Variants in DLGAP2 observed in about 807,000 individuals in gnomAD.
DLGAP2 encodes the protein DLG associated protein 2, also known as disks large-associated protein 2.
DLGAP2 carries 26 observed loss-of-function variants against 100.3 expected under a neutral mutation model. The ratio of observed to expected loss-of-function variants is 0.26; its 90% CI spans 0.19 to 0.36. The LOEUF (loss-of-function observed/expected upper bound fraction) is 0.36, where lower values mean the gene tolerates loss of function less well. DLGAP2 is among the 10% of genes least tolerant of loss of function. The probability of loss-of-function intolerance (pLI) is 1.00; values close to 1 mark genes in which losing one functional copy is unlikely to be tolerated. For missense variants in DLGAP2, 1,858 were observed against 1,453.2 expected (o/e 1.28, Z -4.53); for synonymous variants, 886 against 630.1 (o/e 1.41, Z -6.08).
At chr8:1,371,662 G>A (rs1353111327) in intron 3 of DLGAP2, among the ~76,000 whole-genome samples, 1 of 152,212 alleles carries the variant, frequency 6.6e-6, no homozygotes, top group Non-Finnish European at 1.5e-5. Flanking sequence ...GAAATTTGAG[G>A]TGAATAAATC....
At chr8:1,298,035 CGTG>C (rs1800230790) in intron 3 of DLGAP2, among the ~76,000 whole-genome samples, 1 of 27,962 alleles carries the variant, frequency 3.6e-5, no homozygotes, top group Admixed American at 4.0e-4. Flanking sequence ...ACGTGGCAGG[CGTG>C]AACAGACACG....
At chr8:1,003,304 G>C (rs1041660905) in intron 2 of DLGAP2, 7 of 152,302 alleles carry the variant, frequency 4.6e-5, no homozygotes, top group African/African-American at 1.7e-4. Context: ...CTCACTATCA[G>C]GTGGGCATCT....
Position 1,127,887 on chromosome 8 carries a change from C to T in DLGAP2, c.74-130964C>T, listed in dbSNP as rs140710251. On this transcript the variant is annotated intron_variant, in intron 2 of 14. Transcript: ENST00000637795. ...GGTATAAAGAGTCTGAACTAAGAGT[C>T]TAAAGATGCACTTTCCTATTCCGGA... is the stretch of plus-strand genomic sequence containing the variant. Among the ~76,000 whole-genome samples, 150 of 152,298 alleles carry T rather than the reference C, an allele frequency of 9.8e-4. 2 individuals are homozygous for T. Among genetic ancestry groups the T allele is most frequent in the African/African-American group, 3.4e-3 (140 of 41,568 alleles).
chr8:906,507 C>A (rs1798383588), intron 1 of DLGAP2, among the ~76,000 whole-genome samples: 1 of 152,178 alleles, frequency 6.6e-6, no homozygotes, highest in South Asian at 2.1e-4. Context: ...GCGAGGAGCC[C>A]TCGAAGGCGT....
intron 2 of DLGAP2, among the ~76,000 whole-genome samples, chr8:1,119,081 A>C (rs2129047216): frequency 6.6e-6 from 1 of 152,344 alleles, no homozygotes; most frequent in Admixed American, 6.5e-5. Context: ...CTACTTTATA[A>C]CCGATTCTAT....
chr8:1,462,664 T>C (rs1245439798), intron 3 of DLGAP2, among the ~76,000 whole-genome samples: 2 of 152,144 alleles, frequency 1.3e-5, no homozygotes, highest in African/African-American at 2.4e-5. Context: ...TAGCTCAGCC[T>C]CCAGGACTCA....
chr8:1,261,513 T>C (rs1461544861), intron 3 of DLGAP2, among the ~76,000 whole-genome samples: 1 of 88,192 alleles, frequency 1.1e-5, no homozygotes, highest in Non-Finnish European at 2.1e-5. Flanking sequence ...CCCTGTCCGG[T>C]GGGGAGCCCC....
At chr8:1,141,632 GGTAA>G (rs1309612238) in intron 2 of DLGAP2, among the ~76,000 whole-genome samples, 66 of 152,172 alleles carry the variant, frequency 4.3e-4, no homozygotes, top group African/African-American at 1.5e-3. Context: ...CAAAGACATG[GGTAA>G]GTATTAGCAA....
chr8:1,504,128 C>G (rs1181145776), intron 4 of DLGAP2, among the ~76,000 whole-genome samples: 1 of 151,412 alleles, frequency 6.6e-6, no homozygotes, highest in South Asian at 2.1e-4. Context: ...AAAAACATAC[C>G]AGTGCCCAGG....
At chr8:1,038,749 T>C (rs768718129) in intron 2 of DLGAP2, among the ~76,000 whole-genome samples, 31 of 152,118 alleles carry the variant, frequency 2.0e-4, no homozygotes, top group Non-Finnish European at 4.0e-4. Context: ...TAGGTGAGGG[T>C]CAAAATTAAT....
At chr8:1,144,103 A>G (rs1329736287) in intron 2 of DLGAP2, among the ~76,000 whole-genome samples, 9 of 152,066 alleles carry the variant, frequency 5.9e-5, no homozygotes, top group African/African-American at 2.2e-4. Context: ...AATGTGAGGA[A>G]TGATATCGAG....
intron 3 of DLGAP2, among the ~76,000 whole-genome samples, chr8:1,287,609 T>G (rs1368271294): frequency 2.2e-5 from 1 of 45,326 alleles, no homozygotes; most frequent in Admixed American, 2.4e-4. Flanking sequence ...TATGTGGTTC[T>G]GTTAGGGGAA....
rs151232425 is a variant in DLGAP2, at chr8:1,464,299, T to A, written c.107-37067T>A. Among the ~76,000 whole-genome samples the A allele has an allele frequency of 1.2e-4, 3 of 25,632 alleles. 1 individual carries two copies. Among genetic ancestry groups the A allele is most frequent in the Non-Finnish European group, 2.0e-4 (3 of 14,784 alleles). The allele number at this position is 25,632 out of a possible 152,430, so 16.8% of individuals were successfully genotyped here. On this transcript the variant is annotated intron_variant, in intron 3 of 14. Coordinates refer to ENST00000637795, the MANE Select transcript of DLGAP2 (RefSeq NM_001346810.2). ...CTTCCAGGACAACGCCCTTCCAGGATGGCACCCTTCCAGGACAACGCCCTT... is the reference window on the plus strand; with the variant it reads ...CTTCCAGGACAACGCCCTTCCAGGAAGGCACCCTTCCAGGACAACGCCCTT...
At chr8:1,524,029 C>T (rs1180645570) in intron 4 of DLGAP2, among the ~76,000 whole-genome samples, 3 of 152,200 alleles carry the variant, frequency 2.0e-5, no homozygotes, top group African/African-American at 4.8e-5. Context: ...GCTGTGTGTG[C>T]TTCCAAAGAC....
chr8:882,764 G>C (rs1476870709), intron 1 of DLGAP2, among the ~76,000 whole-genome samples: 2 of 152,086 alleles, frequency 1.3e-5, no homozygotes, highest in Non-Finnish European at 2.9e-5. Context: ...ACCTCTCCCT[G>C]CGGAGGCCTC....
At chr8:1,527,876 A>T (rs1489429168) in intron 4 of DLGAP2, among the ~76,000 whole-genome samples, 7 of 152,230 alleles carry the variant, frequency 4.6e-5, no homozygotes, top group Admixed American at 4.6e-4. Flanking sequence ...TGAAAAAAAA[A>T]ATACACAGCT....
chr8:812,202 C>T lies in DLGAP2; in HGVS notation c.18+74377C>T, dbSNP rs187986872. ...CAGGGTGGGCCAGCAGGCAGGAGAC[C>T]CAGGGAGGAGTTGGTACTGCAGCGA... is the stretch of plus-strand genomic sequence containing the variant. On this transcript the variant is annotated intron_variant, in intron 1 of 14. Coordinates refer to ENST00000637795, the MANE Select transcript of DLGAP2 (RefSeq NM_001346810.2). Among the ~76,000 whole-genome samples, 349 of 152,260 alleles carry T rather than the reference C, an allele frequency of 2.3e-3. 1 individual carries two copies. The highest frequency in any genetic ancestry group is 8.1e-3 in the African/African-American group (336 of 41,536).
At chr8:772,839 C>G (rs552837106) in intron 1 of DLGAP2, among the ~76,000 whole-genome samples, 1 of 152,142 alleles carries the variant, frequency 6.6e-6, no homozygotes, top group Non-Finnish European at 1.5e-5. Flanking sequence ...TTCCGCTGAA[C>G]GGTGTACATC....
intron 2 of DLGAP2, among the ~76,000 whole-genome samples, chr8:945,974 T>C (rs1799309124): frequency 6.6e-6 from 1 of 152,096 alleles, no homozygotes; most frequent in South Asian, 2.1e-4. Context: ...TTTAAGAAGT[T>C]AGTTGATGAC....
Sources: allele counts gnomAD v4.1 joint callset (sites outside exome capture counted in the v4.1 genomes callset), GRCh38; gene constraint gnomAD v4.1.1; transcripts MANE v1.5; gene names NCBI Gene and HGNC (gene_info 2026-07-23, HGNC 2026-07-21).